HPSE2: variants seen among roughly 807,000 people sequenced by gnomAD.
HPSE2 encodes the protein heparanase 2 (inactive), also known as inactive heparanase-2.
HPSE2 carries 38 observed loss-of-function variants against 60.5 expected under a neutral mutation model. The ratio of observed to expected loss-of-function variants is 0.63; its 90% confidence interval spans 0.48 to 0.82. The LOEUF (loss-of-function observed/expected upper bound fraction) is 0.82. Among genes scored for constraint, HPSE2 ranks in the 40% least tolerant of loss-of-function variants. The pLI, the probability that HPSE2 is intolerant of heterozygous loss-of-function variation, is 0.00. For synonymous variants in HPSE2, 295 were observed against 293.2 expected, an observed-to-expected ratio of 1.01 and a Z score of -0.06; for missense variants, 713 against 740.4, an observed-to-expected ratio of 0.96 and a Z score of 0.43.
At chr10:98,937,667 C>A (rs11189886) in intron 3 of HPSE2, among the ~76,000 whole-genome samples, 18,091 of 141,890 alleles carry the variant, frequency 0.13, 2,756 homozygotes, top group South Asian at 0.22. Context: ...AGGGCACAGA[C>A]AAACAAAAAG....
At chr10:99,267,089 G>C in the HPSE2 span, among the ~76,000 whole-genome samples, 175 of 152,002 alleles carry the variant, frequency 1.2e-3, no homozygotes, top group Admixed American at 3.4e-3. Context: ...AACAAAACAA[G>C]GTTCTTTAAC....
intron 6 of HPSE2, among the ~76,000 whole-genome samples, chr10:98,689,010 T>C (rs1052592718): frequency 1.9e-4 from 29 of 152,248 alleles, no homozygotes; most frequent in African/African-American, 7.0e-4. Flanking sequence ...GTCTGAATGC[T>C]TTAAAGATTT....
At chr10:99,227,553 G>T (rs542740174) in intron 2 of HPSE2, among the ~76,000 whole-genome samples, 37 of 152,012 alleles carry the variant, frequency 2.4e-4, no homozygotes, top group African/African-American at 8.4e-4. Flanking sequence ...TAAGCATCAA[G>T]AATGGACTGC....
In HPSE2 at chr10:99,096,983, C is replaced by G. The variant is rs148547637; in HGVS notation, c.610+47255G>C. ...GACAGGGTGGACCACTAGGTCCTGA[C>G]AAAACTGCATCTAAGGTTCCATCAG... On this transcript the variant is annotated intron_variant, in intron 3 of 11. Transcript: ENST00000370552. 4.6e-5 allele frequency among the ~76,000 whole-genome samples: 7 copies of G among 152,252 alleles called. No individual in the cohort carries two copies. The East Asian group carries it at 1.4e-3, about 29-fold the overall frequency.
At chr10:98,543,562 G>C (rs946833482) in intron 9 of HPSE2, among the ~76,000 whole-genome samples, 1 of 152,166 alleles carries the variant, frequency 6.6e-6, no homozygotes, top group African/African-American at 2.4e-5. Flanking sequence ...AGACCCATCA[G>C]TGTGCTGTAT....
chr10:98,564,804 G>A (rs537790), intron 9 of HPSE2, among the ~76,000 whole-genome samples: 129,250 of 152,104 alleles, frequency 0.85, 56,185 homozygotes, highest in East Asian at 1. Context: ...CAAGGAAGAA[G>A]ATTTTGCAAG....
chr10:99,152,982 G>A (rs1315033751), intron 2 of HPSE2, among the ~76,000 whole-genome samples: 1 of 152,248 alleles, frequency 6.6e-6, no homozygotes, highest in African/African-American at 2.4e-5. Context: ...GTCAAAGAAA[G>A]GGGTGACAGA....
intron 9 of HPSE2, among the ~76,000 whole-genome samples, chr10:98,562,747 T>C (rs1944228621): frequency 6.6e-6 from 1 of 151,660 alleles, no homozygotes; most frequent in South Asian, 2.1e-4. Flanking sequence ...TCTGCTGGTC[T>C]ACTCTTTTTA....
At chr10:98,497,307 T>C (rs1233665851) in intron 9 of HPSE2, among the ~76,000 whole-genome samples, 1 of 152,228 alleles carries the variant, frequency 6.6e-6, no homozygotes, top group African/African-American at 2.4e-5. Context: ...TTTGAGGATT[T>C]GCTGTACATC....
At chr10:98,578,665 A>T (rs1185571390) in intron 9 of HPSE2, among the ~76,000 whole-genome samples, 1 of 152,218 alleles carries the variant, frequency 6.6e-6, no homozygotes, top group Non-Finnish European at 1.5e-5. Context: ...TCTTTAACAG[A>T]TTCCTTGGCC....
chr10:99,187,448 G>A (rs1848069614), intron 2 of HPSE2, among the ~76,000 whole-genome samples: 1 of 151,904 alleles, frequency 6.6e-6, no homozygotes, highest in African/African-American at 2.4e-5. Context: ...GACACTTTAA[G>A]AAAATGAAAA....
At chr10:99,207,755 T>C (rs999012015) in intron 2 of HPSE2, among the ~76,000 whole-genome samples, 2 of 151,942 alleles carry the variant, frequency 1.3e-5, no homozygotes, top group African/African-American at 4.8e-5. Flanking sequence ...TGTTTTTATA[T>C]AAGCTTCACT....
At chr10:98,643,638 G>A (rs920270058) in intron 6 of HPSE2, among the ~76,000 whole-genome samples, 2 of 152,068 alleles carry the variant, frequency 1.3e-5, no homozygotes, top group Non-Finnish European at 2.9e-5. Flanking sequence ...CCTGTTCATA[G>A]TAGTACTTCT....
chr10:98,944,924 G>A (rs1187627685), intron 3 of HPSE2, among the ~76,000 whole-genome samples: 1 of 152,046 alleles, frequency 6.6e-6, no homozygotes, highest in Non-Finnish European at 1.5e-5. Flanking sequence ...TTTAATAACC[G>A]GGGAAACCAT....
rs1946235264 is a variant in HPSE2, at chr10:98,627,021, C to A, written c.1099-6313G>T. ...ATCTCCTGACGTCGTGATCCGCCCACCTCAGCCTCTCAAAGTGCTGGGATT... is the reference window on the plus strand; with the variant it reads ...ATCTCCTGACGTCGTGATCCGCCCAACTCAGCCTCTCAAAGTGCTGGGATT... On this transcript the variant is annotated intron_variant, in intron 7 of 11. Transcript: ENST00000370552. Among the ~76,000 whole-genome samples, 6 of 152,182 alleles carry A rather than the reference C, an allele frequency of 3.9e-5. No homozygotes were observed. In the South Asian group the frequency reaches 1.2e-3, roughly 31 times the overall value.
At chr10:98,588,492 T>C (rs1430234164) in intron 9 of HPSE2, among the ~76,000 whole-genome samples, 2 of 152,154 alleles carry the variant, frequency 1.3e-5, no homozygotes, top group Non-Finnish European at 2.9e-5. Flanking sequence ...TCAGTGCTTC[T>C]AGTCTGCCAC....
At chr10:98,891,460 T>C (rs1238209651) in intron 3 of HPSE2, among the ~76,000 whole-genome samples, 1 of 152,086 alleles carries the variant, frequency 6.6e-6, no homozygotes, top group East Asian at 1.9e-4. Context: ...ATTATTATTT[T>C]TAAGTAGAGA....
the HPSE2 span, among the ~76,000 whole-genome samples, chr10:99,269,404 T>C: frequency 6.6e-6 from 1 of 151,936 alleles, no homozygotes; most frequent in Non-Finnish European, 1.5e-5. Flanking sequence ...CACAAAAATA[T>C]CAGTCCTAAA....
intron 3 of HPSE2, among the ~76,000 whole-genome samples, chr10:98,775,967 G>T (rs1290193121): frequency 6.6e-6 from 1 of 152,006 alleles, no homozygotes; most frequent in East Asian, 1.9e-4. Context: ...AACCAAAACA[G>T]GTCATCAAGT....
Sources: gnomAD v4.1 joint callset for allele counts (sites outside exome capture counted in the v4.1 genomes callset) on GRCh38, gnomAD v4.1.1 for gene constraint, MANE v1.5 for transcripts, NCBI Gene and HGNC (gene_info 2026-07-23, HGNC 2026-07-21) for gene names.